Variants in WDFY4 observed in about 807,000 individuals in gnomAD.
WDFY4 encodes the protein WDFY family member 4.
A neutral mutation model predicts 351.9 loss-of-function variants in WDFY4; 169 were observed. The ratio of observed to expected loss-of-function variants is 0.48; its 90% confidence interval spans 0.42 to 0.55. The LOEUF is 0.55. Ranked by LOEUF, WDFY4 falls within the 20% of genes least tolerant of loss-of-function variation. The probability of loss-of-function intolerance (pLI) is 0.00; values close to 1 mark genes in which losing one functional copy is unlikely to be tolerated. For synonymous variants in WDFY4, 1,622 were observed against 1,574.6 expected (o/e 1.03, Z -0.71); for missense variants, 3,803 against 3,935.6 (o/e 0.97, Z 0.90).
At chr10:48,863,610 AC>A (rs2069422516) in intron 39 of WDFY4, among the ~76,000 whole-genome samples, 1 of 152,150 alleles carries the variant, frequency 6.6e-6, no homozygotes, top group Non-Finnish European at 1.5e-5. Flanking sequence ...CCCTTATCAG[AC>A]ATGTAATTTA....
chr10:48,820,097 G>A, intron 32 of WDFY4, 137 bp from the exon 33 acceptor site: 1 of 915,498 alleles, frequency 1.1e-6, no homozygotes, highest in Non-Finnish European at 1.7e-6. Flanking sequence ...TGGGCAAGTT[G>A]CTTTCCTGTG....
At chr10:48,839,899 T>C (rs750803772) in intron 39 of WDFY4, among the ~76,000 whole-genome samples, 1 of 152,224 alleles carries the variant, frequency 6.6e-6, no homozygotes, top group Non-Finnish European at 1.5e-5. Context: ...AAATGGAATA[T>C]TGGTTTTCTT....
chr10:48,880,722 G>A (rs192314964), intron 43 of WDFY4, among the ~76,000 whole-genome samples: 49 of 152,316 alleles, frequency 3.2e-4, no homozygotes, highest in African/African-American at 1.0e-3. Context: ...CTAGGCATCC[G>A]TCCTTGCCTG....
chr10:48,790,816 A>C lies in WDFY4; in HGVS notation c.4156A>C (p.Thr1386Pro). ...CCTCCTGGGCCTCATCTCCTTAGCG[A>C]CAGATGACCATACCATGTATGCGGC... ...AILLGLISLA[T>P]DDHTMYAAVK... is the part of the protein sequence containing the mutation. The change falls in exon 23 of 62, where the codon ACA (threonine) becomes CCA (proline). Residue 1386 changes from threonine to proline, a missense_variant. Physicochemically the swap from Thr to Pro is conservative, Grantham distance 38. Transcript: ENST00000325239. 6.4e-7 allele frequency: 1 copy of C among 1,551,720 alleles called. No homozygotes were observed. Among genetic ancestry groups the C allele is most frequent in the Non-Finnish European group, 8.7e-7 (1 of 1,147,014 alleles).
intron 27 of WDFY4, 104 bp from the exon 28 acceptor site, chr10:48,807,755 A>G: frequency 3.0e-6 from 4 of 1,326,240 alleles, no homozygotes; most frequent in Admixed American, 2.1e-5. Context: ...GCCATGCCAC[A>G]ATTCCTGGGT....
At chr10:48,898,700 A>G (rs896143785) in intron 45 of WDFY4, among the ~76,000 whole-genome samples, 1 of 151,774 alleles carries the variant, frequency 6.6e-6, no homozygotes, top group Admixed American at 6.6e-5. Flanking sequence ...TCTAATGAGC[A>G]CTCTTCCTCC....
At chr10:48,808,307 C>T (rs1366507859) in intron 28 of WDFY4, among the ~76,000 whole-genome samples, 1 of 152,132 alleles carries the variant, frequency 6.6e-6, no homozygotes, top group African/African-American at 2.4e-5. Flanking sequence ...ATGAAGAAAT[C>T]GTGAGCCTAA....
intron 13 of WDFY4, 51 bp from the exon 14 acceptor site, chr10:48,774,407 C>A: frequency 6.5e-7 from 1 of 1,540,108 alleles, no homozygotes; most frequent in South Asian, 1.2e-5. Flanking sequence ...AAAAGCTGTC[C>A]ACAAGGTGTT....
chr10:48,754,497 A>T lies in WDFY4; in HGVS notation c.2460-5850A>T, dbSNP rs935611003. 1.4e-4 allele frequency among the ~76,000 whole-genome samples: 21 copies of T among 151,940 alleles called. 1 individual carries two copies. Among genetic ancestry groups the T allele is most frequent in the Admixed American group, 1.3e-3 (20 of 15,268 alleles). On this transcript the variant is annotated intron_variant, in intron 12 of 61. Coordinates refer to ENST00000325239, the MANE Select transcript of WDFY4 (RefSeq NM_001394531.1). The stretch of plus-strand genomic sequence containing the variant: ...TACAAGCACTTATCAATCAAAAATC[A>T]AATTTTTGTCAATTCTCCTTTCTTG...
chr10:48,890,662 C>T lies in WDFY4; in HGVS notation c.7251C>T (p.Tyr2417=), dbSNP rs768904946. The T allele has an allele frequency of 2.3e-5, 35 of 1,551,616 alleles. No individual in the cohort carries two copies. The highest frequency in any genetic ancestry group is 2.7e-5 in the Non-Finnish European group (31 of 1,147,008). The part of the protein sequence containing the change: ...GVLLFGHQHF[Y]ICENFTLSPT... ...TGCTTTTTGGCCACCAACACTTCTA[C>T]ATCTGCGAGAACTTCACACTGTCTC... The change falls in exon 44 of 62, where the codon TAC becomes TAT. Residue 2417 remains tyrosine (Y), a synonymous_variant. Transcript: ENST00000325239.
intron 56 of WDFY4, among the ~76,000 whole-genome samples, chr10:48,969,512 A>G (rs1182695399): frequency 6.6e-6 from 1 of 152,158 alleles, no homozygotes; most frequent in Non-Finnish European, 1.5e-5. Flanking sequence ...ACATGGCCAC[A>G]TTGAGCCCAC....
chr10:48,871,465 G>GCC (rs368545843), intron 40 of WDFY4, among the ~76,000 whole-genome samples: 9 of 148,960 alleles, frequency 6.0e-5, no homozygotes, highest in African/African-American at 2.2e-4. Flanking sequence ...TTTTCTGGTG[G>GCC]CCCCCCCCTT....
At chr10:48,897,948 C>T (rs1010837160) in intron 45 of WDFY4, among the ~76,000 whole-genome samples, 1 of 152,214 alleles carries the variant, frequency 6.6e-6, no homozygotes, top group East Asian at 1.9e-4. Context: ...AGAGTGCCTT[C>T]TGCCCTGTCC....
In WDFY4 at chr10:48,826,637, G is replaced by A. The variant is rs560953673; in HGVS notation, c.5983-34G>A. On this transcript the variant is annotated intron_variant, in intron 35 of 61. Coordinates refer to ENST00000325239, the MANE Select transcript of WDFY4 (RefSeq NM_001394531.1). ...ATCTAAAATTGTAAAGCACTCACAA[G>A]TTTGTGTATGTGTATGTTTTTTTAA... 3 of 1,488,468 alleles carry A rather than the reference G, an allele frequency of 2.0e-6. No homozygotes were observed. In the African/African-American group the frequency reaches 4.2e-5, roughly 21 times the overall value. 92.2% of individuals were successfully genotyped at this position (1,488,468 alleles called of 1,614,324 possible). A position where few individuals can be genotyped will look rare whatever the true frequency, so the allele number is the denominator to read the frequency against.
At chr10:48,821,868 C>T (rs1388685699) in intron 34 of WDFY4, among the ~76,000 whole-genome samples, 2 of 152,198 alleles carry the variant, frequency 1.3e-5, no homozygotes, top group African/African-American at 4.8e-5. Flanking sequence ...TGCCACTGGA[C>T]AGTCATGCGA....
rs2066522671 is a variant in WDFY4 at position 48,787,941 on chromosome 10, T to TCTTCTTCTTCTTCTC, written c.3809-575_3809-574insCCTTCTTCTTCTTCT. ...TTCTTCTTCTTCTTCTTCTTCTTCT[T>TCTTCTTCTTCTTCTC]CTTCTTCTTCTTCTTCTTCTTCTTC... On this transcript the variant is annotated intron_variant, in intron 20 of 61. Transcript: ENST00000325239. Among the ~76,000 whole-genome samples, 3 of 96,908 alleles carry TCTTCTTCTTCTTCTC rather than the reference T, an allele frequency of 3.1e-5. 1 individual carries two copies. Among genetic ancestry groups the TCTTCTTCTTCTTCTC allele is most frequent in the South Asian group, 7.5e-4 (2 of 2,662 alleles). The allele number at this position is 96,908 out of a possible 152,430, so 63.6% of individuals were successfully genotyped here.
chr10:48,786,115 G>C (rs970187123), intron 19 of WDFY4, among the ~76,000 whole-genome samples: 3 of 152,008 alleles, frequency 2.0e-5, no homozygotes, highest in Non-Finnish European at 4.4e-5. Flanking sequence ...AAGTGGTATT[G>C]TGTTTAATTT....
chr10:48,920,571 G>A (rs1838981628), intron 47 of WDFY4, among the ~76,000 whole-genome samples: 1 of 152,274 alleles, frequency 6.6e-6, no homozygotes, highest in African/African-American at 2.4e-5. Flanking sequence ...CATACTTCGT[G>A]AAGGACAGAA....
At chr10:48,894,778 G>A (rs945974437) in intron 44 of WDFY4, among the ~76,000 whole-genome samples, 33 of 152,324 alleles carry the variant, frequency 2.2e-4, no homozygotes, top group Middle Eastern at 6.8e-3. Context: ...GAGCACAGAG[G>A]AGTGGCCATG....
Sources: allele counts gnomAD v4.1 joint callset (sites outside exome capture counted in the v4.1 genomes callset), GRCh38; gene constraint gnomAD v4.1.1; transcripts MANE v1.5; gene names NCBI Gene and HGNC (gene_info 2026-07-23, HGNC 2026-07-21).